Variants in HCRTR2 observed in about 807,000 individuals in gnomAD.
HCRTR2 encodes orexin receptor type 2.
HCRTR2 carries 22 observed loss-of-function variants against 49.0 expected under a neutral mutation model. That is an observed-to-expected ratio of 0.45 (90% CI 0.32 to 0.64). HCRTR2 has a LOEUF of 0.64. HCRTR2 is among the 30% of genes least tolerant of loss of function. HCRTR2 has a pLI of 0.04. For missense variants in HCRTR2, 491 were observed against 559.4 expected, an observed-to-expected ratio of 0.88 and a Z score of 1.23; for synonymous variants, 236 against 205.3, an observed-to-expected ratio of 1.15 and a Z score of -1.28.
chr6:55,271,976 G>A (rs1285787402), intron 4 of HCRTR2, among the ~76,000 whole-genome samples: 3 of 152,030 alleles, frequency 2.0e-5, no homozygotes, highest in Non-Finnish European at 4.4e-5. Context: ...AAATCTTAGA[G>A]AATTACCACA....
chr6:55,114,369 G>A (rs62416419), intron 1 of HCRTR2, among the ~76,000 whole-genome samples: 58 of 151,836 alleles, frequency 3.8e-4, no homozygotes, highest in Non-Finnish European at 6.8e-4. Flanking sequence ...ACCTATGTGA[G>A]CTACTTGGAA....
At position 55,205,472 on chromosome 6, in the gene HCRTR2, C is replaced by T. The variant is rs1380371549; in HGVS notation, c.223+30662C>T. On this transcript the variant is annotated intron_variant, in intron 1 of 6. Coordinates refer to ENST00000370862, the MANE Select transcript of HCRTR2 (RefSeq NM_001384272.1). ...AAGTGAAATGTAGAATGAAAGTCAA[C>T]CATAAAATTTGGCATTATGGGGATC... Among the ~76,000 whole-genome samples the T allele has an allele frequency of 2.6e-5, 4 of 151,868 alleles. No individual in the cohort carries two copies. The East Asian group carries it at 5.8e-4, about 22-fold the overall frequency.
intron 1 of HCRTR2, among the ~76,000 whole-genome samples, chr6:55,189,656 A>G (rs1212002186): frequency 6.6e-6 from 1 of 152,164 alleles, no homozygotes; most frequent in Non-Finnish European, 1.5e-5. Context: ...TATGGGAGGG[A>G]GACCATCAGG....
At chr6:55,238,029 G>T (rs1428558933) in intron 1 of HCRTR2, among the ~76,000 whole-genome samples, 3 of 152,098 alleles carry the variant, frequency 2.0e-5, no homozygotes, top group African/African-American at 7.2e-5. Flanking sequence ...TACATGTAAA[G>T]AAATTATATC....
chr6:55,181,809 T>C (rs1166259499), intron 1 of HCRTR2, among the ~76,000 whole-genome samples: 3 of 152,240 alleles, frequency 2.0e-5, no homozygotes, highest in Non-Finnish European at 2.9e-5. Context: ...TCAGCTATCC[T>C]GTCTTTGATA....
chr6:55,268,039 C>T (rs1200738142), intron 4 of HCRTR2, among the ~76,000 whole-genome samples: 2 of 152,034 alleles, frequency 1.3e-5, no homozygotes, highest in Non-Finnish European at 2.9e-5. Flanking sequence ...ATAATGTATA[C>T]AGATGTAGTT....
intron 2 of HCRTR2, among the ~76,000 whole-genome samples, chr6:55,254,426 T>G (rs1403045071): frequency 6.6e-6 from 1 of 152,154 alleles, no homozygotes; most frequent in Admixed American, 6.6e-5. Context: ...AGTTAAAGAA[T>G]GATTTGTGGC....
chr6:55,163,463 A>G (rs1029601139), intron 1 of HCRTR2, among the ~76,000 whole-genome samples: 1 of 152,174 alleles, frequency 6.6e-6, no homozygotes, highest in African/African-American at 2.4e-5. Context: ...GGCCTCAGAA[A>G]TAACCCCAGA....
chr6:55,272,554 G>T (rs1026384609), intron 4 of HCRTR2, among the ~76,000 whole-genome samples: 1 of 149,874 alleles, frequency 6.7e-6, no homozygotes, highest in African/African-American at 2.4e-5. Context: ...TAAAAAGAAA[G>T]AACAAAAATG....
intron 5 of HCRTR2, among the ~76,000 whole-genome samples, chr6:55,279,242 T>G (rs1392811993): frequency 6.6e-6 from 1 of 152,078 alleles, no homozygotes; most frequent in African/African-American, 2.4e-5. Context: ...ATGAAATTTG[T>G]TTTTTCTTTC....
chr6:55,129,902 C>G (rs1764330973), intron 1 of HCRTR2, among the ~76,000 whole-genome samples: 1 of 151,994 alleles, frequency 6.6e-6, no homozygotes, highest in Non-Finnish European at 1.5e-5. Context: ...ACCCCTTAGT[C>G]TCCCTACTCT....
chr6:55,130,428 T>C (rs1249082325), intron 1 of HCRTR2, among the ~76,000 whole-genome samples: 2 of 151,428 alleles, frequency 1.3e-5, no homozygotes, highest in African/African-American at 2.4e-5. Context: ...TTAAAAGTAA[T>C]CCAACCAGTT....
intron 1 of HCRTR2, 45 bp downstream of exon 1, chr6:55,174,855 C>T (rs1765011180): frequency 1.3e-6 from 2 of 1,513,860 alleles, no homozygotes; most frequent in Non-Finnish European, 1.8e-6. Flanking sequence ...ATCACCCCCT[C>T]TCCGCCCCGG....
At chr6:55,208,838 C>T (rs1765649742) in intron 1 of HCRTR2, among the ~76,000 whole-genome samples, 1 of 151,894 alleles carries the variant, frequency 6.6e-6, no homozygotes, top group African/African-American at 2.4e-5. Context: ...TTAGATGAAC[C>T]ATACAAATAA....
chr6:55,188,156 G>GA (rs1349544826), intron 1 of HCRTR2, among the ~76,000 whole-genome samples: 2 of 152,026 alleles, frequency 1.3e-5, no homozygotes, highest in African/African-American at 4.8e-5. Flanking sequence ...GTAGCAAATT[G>GA]AAAAAATATG....
At chr6:55,201,133 T>TC (rs1765506564) in intron 1 of HCRTR2, among the ~76,000 whole-genome samples, 1 of 152,154 alleles carries the variant, frequency 6.6e-6, no homozygotes, top group Admixed American at 6.5e-5. Context: ...CATCTTTTTT[T>TC]CCCTGCCTTG....
intron 1 of HCRTR2, among the ~76,000 whole-genome samples, chr6:55,239,706 C>T (rs1322891514): frequency 6.7e-6 from 1 of 150,060 alleles, no homozygotes; most frequent in Non-Finnish European, 1.5e-5. Flanking sequence ...TTTATATTTT[C>T]TTTTCTTGAG....
rs142094180 is a variant in HCRTR2, at chr6:55,166,095, G to A, written c.-377-8116G>A. ...CTTTTGAGATGATCATATGGTTTTCGTCCTTTATTTTGCTGATATGATGTA... is the reference window on the plus strand; with the variant it reads ...CTTTTGAGATGATCATATGGTTTTCATCCTTTATTTTGCTGATATGATGTA... On this transcript the variant is annotated intron_variant, in intron 1 of 7. Transcript: ENST00000615358. 2.6e-3 allele frequency among the ~76,000 whole-genome samples: 400 copies of A among 151,948 alleles called. 1 individual carries two copies. Among genetic ancestry groups the A allele is most frequent in the Non-Finnish European group, 4.8e-3 (328 of 67,940 alleles).
At chr6:55,174,155 C>A, upstream of HCRTR2, 2 of 213,520 alleles carry the variant, frequency 9.4e-6, no homozygotes, top group East Asian at 1.4e-4. Flanking sequence ...TCTCACCCCC[C>A]ACCCCCCAAA....
Sources: allele counts gnomAD v4.1 joint callset (sites outside exome capture counted in the v4.1 genomes callset), GRCh38; gene constraint gnomAD v4.1.1; transcripts MANE v1.5; gene names NCBI Gene and HGNC (gene_info 2026-07-23, HGNC 2026-07-21).